CNPY2: variants seen among roughly 807,000 people sequenced by gnomAD.
CNPY2 encodes the protein canopy FGF signaling regulator 2, also known as protein canopy homolog 2.
CNPY2 carries 19 observed loss-of-function variants against 25.5 expected under a neutral mutation model. The observed-to-expected ratio is 0.74, with a 90% CI of 0.52 to 1.09. The LOEUF is 1.09. Ranked by LOEUF, CNPY2 falls within the 50% of genes least tolerant of loss-of-function variation. The pLI is 0.00. For synonymous variants in CNPY2, 82 were observed against 85.0 expected, an observed-to-expected ratio of 0.96 and a Z score of 0.19; for missense variants, 214 against 233.6, an observed-to-expected ratio of 0.92 and a Z score of 0.55.
chr12:56,314,203 CTG>C (rs1873808444), intron 3 of CNPY2, among the ~76,000 whole-genome samples: 1 of 151,840 alleles, frequency 6.6e-6, no homozygotes, highest in Admixed American at 6.6e-5. Flanking sequence ...CAGGGTCTTG[CTG>C]TGTTTCCCAG....
rs1377689463 is a variant in CNPY2 at position 56,310,145 on chromosome 12, T to C, written c.*407A>G. ...ACAAGGGATTTCTAGAATTCTACAC[T>C]ACCATACACTATGTTCCCCTGCTTC... On this transcript the variant is annotated 3_prime_UTR_variant, in exon 6 of 6. Transcript: ENST00000273308. 1.6e-6 allele frequency: 1 copy of C among 614,920 alleles called. No homozygotes were observed. The highest frequency in any genetic ancestry group is 2.9e-6 in the Non-Finnish European group (1 of 347,156). The allele number at this position is 614,920 out of a possible 1,614,324, so 38.1% of individuals were successfully genotyped here.
rs76871886 is a variant in CNPY2 at position 56,311,244 on chromosome 12, G to C, written c.375C>G (p.Ile125Met). Residue 125 changes from isoleucine to methionine, a missense_variant, in exon 4 of 6, where the codon ATC (isoleucine) becomes ATG (methionine). Physicochemically the swap from Ile to Met is conservative, Grantham distance 10. Coordinates refer to ENST00000273308, the MANE Select transcript of CNPY2 (RefSeq NM_014255.7). ...TGAGGGTGCCGCTAATATCTGAGTC[G>C]ATTCGGATGCCTTGTAGGTCCAGTT... The part of the protein sequence containing the change: ...SSELDLQGIR[I>M]DSDISGTLKF... 3 of 1,614,106 alleles carry C rather than the reference G, an allele frequency of 1.9e-6. No individual in the cohort carries two copies. The African/African-American group carries it at 4.0e-5, about 22-fold the overall frequency.
chr12:56,311,324 A>T lies in CNPY2; in HGVS notation c.295T>A (p.Ser99Thr). The stretch of plus-strand genomic sequence containing the variant: ...CGTACGTAGTTCTTGCGATGGGTGG[A>T]AGGATCAATCTGTTCCCCATACTCC... ...MKEYGEQIDP[S>T]THRKNYVRVV... is the part of the protein sequence containing the mutation. The change falls in exon 4 of 6, where the codon TCC becomes ACC. Residue 99 changes from serine (S) to threonine (T), a missense_variant. Transcript: ENST00000273308. 1 of 1,614,096 alleles carries T rather than the reference A, an allele frequency of 6.2e-7. No homozygotes were observed. The highest frequency in any genetic ancestry group is 8.5e-7 in the Non-Finnish European group (1 of 1,180,022).
At chr12:56,315,031 A>G in intron 2 of CNPY2, 65 bp from the exon 3 acceptor site, 1 of 1,602,286 alleles carries the variant, frequency 6.2e-7, no homozygotes. Context: ...GGAGAATGGG[A>G]TCAACCCAGG....
chr12:56,314,550 G>T, intron 3 of CNPY2: 1 of 1,202,514 alleles, frequency 8.3e-7, no homozygotes, highest in South Asian at 2.4e-5. Flanking sequence ...ATTTTGAACG[G>T]ATGTTTGCAT....
rs1363640423 is a variant in CNPY2, at chr12:56,314,872, A to C, written c.183T>G (p.Asp61Glu). The change falls in exon 3 of 6, where the codon GAT (aspartate) becomes GAG (glutamate). Residue 61 changes from aspartate to glutamate, a missense_variant. Transcript: ENST00000273308. ...TTACCTCCACCACTGACTGGCTGCC[A>C]TCTGGATTGATCCGGAAAGATCCCA... is the stretch of plus-strand genomic sequence containing the variant. ...IQMGSFRINP[D>E]GSQSVVEVPY... 1 of 1,614,192 alleles carries C rather than the reference A, an allele frequency of 6.2e-7. No homozygotes were observed. The highest frequency in any genetic ancestry group is 8.5e-7 in the Non-Finnish European group (1 of 1,180,042).
chr12:56,311,643 C>T, intron 3 of CNPY2: 2 of 509,606 alleles, frequency 3.9e-6, no homozygotes, highest in Non-Finnish European at 7.3e-6. Flanking sequence ...CCTCTGCCTC[C>T]TGGGTTCAAG....
At chr12:56,315,283 A>T in intron 1 of CNPY2, 41 bp from the exon 2 acceptor site, 3 of 1,280,120 alleles carry the variant, frequency 2.3e-6, no homozygotes, top group Non-Finnish European at 3.3e-6. Context: ...TGAGGAGCCG[A>T]CTCCATTTTT....
chr12:56,315,284 C>A, intron 1 of CNPY2, 42 bp from the exon 2 acceptor site: 1 of 1,258,402 alleles, frequency 7.9e-7, no homozygotes, highest in Non-Finnish European at 1.1e-6. Context: ...GAGGAGCCGA[C>A]TCCATTTTTC....
intron 3 of CNPY2, 157 bp downstream of exon 3, chr12:56,314,694 G>A (rs1025383300): frequency 4.7e-5 from 69 of 1,482,290 alleles, no homozygotes; most frequent in Non-Finnish European, 5.8e-5. Context: ...CAAGTGCATG[G>A]GGAATAAGCC....
chr12:56,311,642 C>G, intron 3 of CNPY2: 1 of 510,368 alleles, frequency 2.0e-6, no homozygotes, highest in Non-Finnish European at 3.6e-6. Context: ...ACCTCTGCCT[C>G]CTGGGTTCAA....
intron 1 of CNPY2, among the ~76,000 whole-genome samples, 165 bp from the exon 2 acceptor site, chr12:56,315,407 G>A (rs1468430462): frequency 1.3e-5 from 2 of 152,236 alleles, no homozygotes; most frequent in East Asian, 1.9e-4. Context: ...CAGCGCTTGA[G>A]GGCTCTGATT....
At position 56,311,284 on chromosome 12, in the gene CNPY2, T is replaced by A. The variant is rs1238292211; in HGVS notation, c.335A>T (p.Asn112Ile). 6.2e-6 allele frequency: 10 copies of A among 1,614,168 alleles called. No homozygotes were observed. Among genetic ancestry groups the A allele is most frequent in the Non-Finnish European group, 8.5e-6 (10 of 1,180,014 alleles). The change falls in exon 4 of 6, where the codon AAT (asparagine) becomes ATT (isoleucine). Residue 112 changes from asparagine to isoleucine, a missense_variant. By Grantham distance (149) the Asn-to-Ile change is moderately radical (BLOSUM62 -3). Coordinates refer to ENST00000273308, the MANE Select transcript of CNPY2 (RefSeq NM_014255.7). ...TAGGTCCAGTTCACTGGATTCTCCA[T>A]TCCGGCCCACTACACGTACGTAGTT... ...RKNYVRVVGR[N>I]GESSELDLQG...
Position 56,315,194 on chromosome 12 carries a change from G to C in CNPY2, c.24C>G (p.Ala8=). 1 of 1,614,112 alleles carries C rather than the reference G, an allele frequency of 6.2e-7. No individual in the cohort carries two copies. Among genetic ancestry groups the C allele is most frequent in the South Asian group, 1.1e-5 (1 of 91,086 alleles). ...TTCCCAGCAGGGCCCCCAGAAGCAG[G>C]GCCAGCCAACCCCAGCCTTTCATCT... MKGWGWL[A]LLLGALLGTA... Residue 8 remains alanine (A), a synonymous_variant, in exon 2 of 6, where the codon GCC becomes GCG. Coordinates refer to ENST00000273308, the MANE Select transcript of CNPY2 (RefSeq NM_014255.7).
chr12:56,310,086 C>A lies in CNPY2; in HGVS notation c.*466G>T. On this transcript the variant is annotated 3_prime_UTR_variant, in exon 6 of 6. Coordinates refer to ENST00000273308, the MANE Select transcript of CNPY2 (RefSeq NM_014255.7). ...ATCCGTTATTTCCTTCAAGACCAAG[C>A]CCTGTCTTACTTTATGTTTCAACAG... The A allele has an allele frequency of 3.0e-6, 2 of 666,720 alleles. No individual in the cohort carries two copies. Among genetic ancestry groups the A allele is most frequent in the South Asian group, 1.7e-5 (1 of 60,340 alleles). 41.3% of individuals were successfully genotyped at this position (666,720 alleles called of 1,614,324 possible).
chr12:56,311,559 TTTG>T (rs1468337891), intron 3 of CNPY2, 145 bp from the exon 4 acceptor site: 3 of 904,740 alleles, frequency 3.3e-6, no homozygotes, highest in African/African-American at 1.7e-5. Context: ...TGTTTGTTTG[TTTG>T]TTTTTTGAGA....
At position 56,314,893 on chromosome 12, in the gene CNPY2, T is replaced by C; in HGVS notation, c.162A>G (p.Gly54=). ...TGCCATCTGGATTGATCCGGAAAGATCCCATCTGAATGGTCTTCTTGGGGT... is the reference window on the plus strand; with the variant it reads ...TGCCATCTGGATTGATCCGGAAAGACCCCATCTGAATGGTCTTCTTGGGGT... ...QVDPKKTIQM[G]SFRINPDGSQ... Residue 54 remains glycine (G), a synonymous_variant, in exon 3 of 6, where the codon GGA becomes GGG. Transcript: ENST00000273308. 1 of 1,614,258 alleles carries C rather than the reference T, an allele frequency of 6.2e-7. No individual in the cohort carries two copies.
At chr12:56,315,010 G>A (rs780416784) in intron 2 of CNPY2, 44 bp from the exon 3 acceptor site, 4 of 1,608,986 alleles carry the variant, frequency 2.5e-6, no homozygotes, top group South Asian at 1.1e-5. Flanking sequence ...AGGGTAGGGG[G>A]TAGGGTGTGA....
Position 56,311,345 on chromosome 12 carries a change from A to G in CNPY2, c.274T>C (p.Tyr92His). Reference protein sequence around the residue: ...LEEICDRMKEYGEQIDPSTHR... With the variant: ...LEEICDRMKEHGEQIDPSTHR... ...GTGGAAGGATCAATCTGTTCCCCATACTCCTTCATCCGGTCACATATCTCC... is the reference window on the plus strand; with the variant it reads ...GTGGAAGGATCAATCTGTTCCCCATGCTCCTTCATCCGGTCACATATCTCC... The change falls in exon 4 of 6, where the codon TAT becomes CAT. Residue 92 changes from tyrosine to histidine, a missense_variant. Coordinates refer to ENST00000273308, the MANE Select transcript of CNPY2 (RefSeq NM_014255.7). 3 of 1,613,346 alleles carry G rather than the reference A, an allele frequency of 1.9e-6. No individual in the cohort carries two copies. The highest frequency in any genetic ancestry group is 2.5e-6 in the Non-Finnish European group (3 of 1,179,874).
Sources: gnomAD v4.1 joint callset for allele counts (sites outside exome capture counted in the v4.1 genomes callset) on GRCh38, gnomAD v4.1.1 for gene constraint, MANE v1.5 for transcripts, NCBI Gene and HGNC (gene_info 2026-07-23, HGNC 2026-07-21) for gene names.